CTNNBL1: variants seen among roughly 807,000 people sequenced by gnomAD.
The protein encoded by CTNNBL1 is beta-catenin-like protein 1.
Under a neutral mutation model 72.7 loss-of-function variants are expected in CTNNBL1, and 31 were observed. That is an observed-to-expected ratio of 0.43 (90% CI 0.32 to 0.58). The LOEUF (loss-of-function observed/expected upper bound fraction) is 0.58. Among genes scored for constraint, CTNNBL1 ranks in the 20% least tolerant of loss-of-function variants. The probability of loss-of-function intolerance (pLI) is 0.08; values close to 1 mark genes in which losing one functional copy is unlikely to be tolerated. For synonymous variants in CTNNBL1, 240 were observed against 267.3 expected (o/e 0.90, Z 1.00); for missense variants, 534 against 725.1 (o/e 0.74, Z 3.03).
intron 11 of CTNNBL1, among the ~76,000 whole-genome samples, chr20:37,820,495 G>C (rs907392692): frequency 6.6e-6 from 1 of 152,036 alleles, no homozygotes; most frequent in African/African-American, 2.4e-5. Context: ...ATATGGTTTG[G>C]CTCCGTGTCT....
intron 11 of CTNNBL1, among the ~76,000 whole-genome samples, chr20:37,807,113 A>G (rs2071966874): frequency 6.6e-6 from 1 of 152,088 alleles, no homozygotes. Context: ...GTGCAGCCTG[A>G]GGTGGTACAG....
intron 13 of CTNNBL1, among the ~76,000 whole-genome samples, chr20:37,845,533 C>T (rs2072339995): frequency 2.0e-5 from 3 of 152,328 alleles, no homozygotes; most frequent in South Asian, 2.1e-4. Context: ...CTCAGTGTTA[C>T]GCAGAGAGCC....
intron 13 of CTNNBL1, among the ~76,000 whole-genome samples, chr20:37,843,453 C>A (rs2072321624): frequency 6.6e-6 from 1 of 152,180 alleles, no homozygotes; most frequent in Non-Finnish European, 1.5e-5. Flanking sequence ...TGCCTCAGGC[C>A]AGAGTGAGAG....
At chr20:37,712,521 A>G (rs1481203647) in intron 1 of CTNNBL1, among the ~76,000 whole-genome samples, 2 of 152,240 alleles carry the variant, frequency 1.3e-5, no homozygotes, top group Non-Finnish European at 2.9e-5. Context: ...CTTCCAGGCC[A>G]TCTTTTTCAA....
intron 10 of CTNNBL1, among the ~76,000 whole-genome samples, chr20:37,793,782 T>C (rs2122718399): frequency 6.6e-6 from 1 of 152,332 alleles, no homozygotes; most frequent in East Asian, 1.9e-4. Flanking sequence ...TCAGTTATCT[T>C]TTTTTTCTTT....
At chr20:37,773,889 T>C (rs2073548712) in intron 7 of CTNNBL1, among the ~76,000 whole-genome samples, 1 of 151,370 alleles carries the variant, frequency 6.6e-6, no homozygotes, top group African/African-American at 2.4e-5. Flanking sequence ...TGTCTTTTTC[T>C]TCTTTTTCTT....
chr20:37,783,923 A>G (rs1267812910), intron 10 of CTNNBL1, among the ~76,000 whole-genome samples: 1 of 152,152 alleles, frequency 6.6e-6, no homozygotes, highest in Non-Finnish European at 1.5e-5. Context: ...TTCTGTCTGG[A>G]TGTTTGATCC....
At chr20:37,746,014 A>G (rs2073258716) in intron 3 of CTNNBL1, among the ~76,000 whole-genome samples, 1 of 152,206 alleles carries the variant, frequency 6.6e-6, no homozygotes, top group Non-Finnish European at 1.5e-5. Context: ...ATTTTTGGAT[A>G]CAGAAAATCT....
chr20:37,831,544 T>C (rs2072210269), intron 11 of CTNNBL1, among the ~76,000 whole-genome samples: 1 of 152,106 alleles, frequency 6.6e-6, no homozygotes, highest in South Asian at 2.1e-4. Context: ...TTTTTGTATT[T>C]TTTAGTAGTG....
intron 7 of CTNNBL1, among the ~76,000 whole-genome samples, chr20:37,773,720 C>A (rs1261617345): frequency 6.6e-6 from 1 of 152,118 alleles, no homozygotes; most frequent in East Asian, 1.9e-4. Context: ...TTCTTCCCAC[C>A]TGGCCTAATT....
chr20:37,833,581 T>TGC (rs1165605426), intron 11 of CTNNBL1, among the ~76,000 whole-genome samples: 4 of 152,164 alleles, frequency 2.6e-5, no homozygotes, highest in Non-Finnish European at 5.9e-5. Context: ...TGTGTGTGTG[T>TGC]GCGTGTGTAC....
At chr20:37,825,295 G>A (rs191338420) in intron 11 of CTNNBL1, among the ~76,000 whole-genome samples, 4 of 152,324 alleles carry the variant, frequency 2.6e-5, no homozygotes, top group African/African-American at 9.6e-5. Flanking sequence ...GGAAGTTGTA[G>A]TGAGCTGAGA....
intron 4 of CTNNBL1, chr20:37,749,854 T>A (rs1423833752): frequency 6.6e-6 from 1 of 152,118 alleles, no homozygotes; most frequent in Non-Finnish European, 1.5e-5. Flanking sequence ...ATAATAGAAA[T>A]TTTTCTTCAG....
chr20:37,774,563 T>C (rs1384514627), intron 7 of CTNNBL1, among the ~76,000 whole-genome samples: 1 of 152,242 alleles, frequency 6.6e-6, no homozygotes, highest in Admixed American at 6.5e-5. Context: ...TCAGTCTGGT[T>C]TTTAAAAACT....
chr20:37,751,970 T>G (rs756337242), intron 4 of CTNNBL1, among the ~76,000 whole-genome samples: 1 of 152,270 alleles, frequency 6.6e-6, no homozygotes, highest in Non-Finnish European at 1.5e-5. Flanking sequence ...GCCACTTATT[T>G]TTTGGAACCA....
intron 1 of CTNNBL1, among the ~76,000 whole-genome samples, chr20:37,695,359 T>C (rs2072781767): frequency 6.6e-6 from 1 of 152,160 alleles, no homozygotes; most frequent in Admixed American, 6.6e-5. Flanking sequence ...TATGCTTGGC[T>C]GATTTTTAAA....
chr20:37,726,807 A>G (rs940919996), intron 1 of CTNNBL1, among the ~76,000 whole-genome samples: 3 of 152,234 alleles, frequency 2.0e-5, no homozygotes, highest in African/African-American at 7.2e-5. Flanking sequence ...ATATTTAGAC[A>G]CACACACATG....
intron 11 of CTNNBL1, among the ~76,000 whole-genome samples, chr20:37,837,835 G>A (rs887124498): frequency 2.6e-5 from 4 of 152,162 alleles, no homozygotes; most frequent in South Asian, 2.1e-4. Flanking sequence ...TTTTAGAACC[G>A]GGGATATGGC....
intron 12 of CTNNBL1, among the ~76,000 whole-genome samples, chr20:37,840,900 G>A (rs1294947547): frequency 6.6e-6 from 1 of 151,914 alleles, no homozygotes; most frequent in Non-Finnish European, 1.5e-5. Flanking sequence ...AGATTAGATG[G>A]TTCGGGCTAT....
Sources: allele counts gnomAD v4.1 joint callset (sites outside exome capture counted in the v4.1 genomes callset), GRCh38; gene constraint gnomAD v4.1.1; transcripts MANE v1.5; gene names NCBI Gene and HGNC (gene_info 2026-07-23, HGNC 2026-07-21).